Variants in LARGE1 observed in about 807,000 individuals in gnomAD.
LARGE1 encodes xylosyl- and glucuronyltransferase LARGE1.
In LARGE1, 43 loss-of-function variants were observed where a neutral mutation model predicts 87.6. The observed-to-expected ratio is 0.49, with a 90% confidence interval of 0.38 to 0.63. The LOEUF (loss-of-function observed/expected upper bound fraction) is 0.63, where lower values mean the gene tolerates loss of function less well. LARGE1 is among the 30% of genes least tolerant of loss of function. LARGE1 has a pLI of 0.00. For missense variants in LARGE1, 802 were observed against 1,000.2 expected (o/e 0.80, Z 2.67); for synonymous variants, 434 against 394.6 (o/e 1.10, Z -1.18).
At chr22:33,241,771 C>T (rs149560160) in intron 11 of LARGE1, among the ~76,000 whole-genome samples, 58 of 152,010 alleles carry the variant, frequency 3.8e-4, no homozygotes, top group Non-Finnish European at 7.5e-4. Flanking sequence ...AGGCAAATAC[C>T]ACATGTTCTC....
chr22:33,707,047 G>C (rs1390134082), intron 2 of LARGE1, among the ~76,000 whole-genome samples: 1 of 152,218 alleles, frequency 6.6e-6, no homozygotes, highest in African/African-American at 2.4e-5. Flanking sequence ...AAAGCAGCCT[G>C]AAAAAGCAAC....
intron 2 of LARGE1, among the ~76,000 whole-genome samples, chr22:33,707,699 C>T (rs929113252): frequency 1.3e-5 from 2 of 152,166 alleles, no homozygotes; most frequent in Admixed American, 6.5e-5. Context: ...CAGATAAGTC[C>T]GGGGGAAGCA....
chr22:33,780,189 A>G (rs1012065390), intron 1 of LARGE1, among the ~76,000 whole-genome samples: 25 of 152,322 alleles, frequency 1.6e-4, no homozygotes, highest in East Asian at 3.9e-4. Flanking sequence ...GTAATGGATT[A>G]AGGACCCAAG....
intron 7 of LARGE1, among the ~76,000 whole-genome samples, chr22:33,406,383 G>A (rs539548303): frequency 1.2e-4 from 18 of 152,032 alleles, no homozygotes; most frequent in Non-Finnish European, 7.4e-5. Context: ...ACCTCTGCCC[G>A]ATTTGCATCT....
intron 1 of LARGE1, among the ~76,000 whole-genome samples, chr22:33,878,984 C>T (rs114392976): frequency 4.9e-4 from 63 of 128,030 alleles, no homozygotes; most frequent in African/African-American, 1.1e-3. Context: ...CTTCTTCTTC[C>T]TTTTTTTTTT....
At chr22:33,193,984 T>C (rs1406104659) in intron 11 of LARGE1, among the ~76,000 whole-genome samples, 2 of 147,900 alleles carry the variant, frequency 1.4e-5, no homozygotes, top group African/African-American at 4.9e-5. Flanking sequence ...TTATATATAA[T>C]TTTACATATA....
At chr22:33,332,378 T>C (rs1453256818) in intron 10 of LARGE1, among the ~76,000 whole-genome samples, 1 of 152,224 alleles carries the variant, frequency 6.6e-6, no homozygotes, top group Non-Finnish European at 1.5e-5. Context: ...GCCATGATTG[T>C]GAGGCCTCCC....
At chr22:33,735,923 G>A (rs959531229) in intron 2 of LARGE1, among the ~76,000 whole-genome samples, 8 of 152,128 alleles carry the variant, frequency 5.3e-5, no homozygotes, top group South Asian at 2.1e-4. Context: ...CTTCTTCCAC[G>A]TAGCGTGTTT....
the LARGE1 span, among the ~76,000 whole-genome samples, chr22:33,148,365 C>T: frequency 6.6e-6 from 1 of 152,190 alleles, no homozygotes; most frequent in Non-Finnish European, 1.5e-5. Context: ...TTTCACACAA[C>T]ACCATGAACT....
At chr22:33,833,896 C>T (rs147909100) in intron 1 of LARGE1, among the ~76,000 whole-genome samples, 3,179 of 152,068 alleles carry the variant, frequency 0.021, 37 homozygotes, top group African/African-American at 0.035. Flanking sequence ...TATGTTGGTC[C>T]GGCTGGTCTC....
At chr22:33,620,759 TA>T (rs890317282) in intron 4 of LARGE1, among the ~76,000 whole-genome samples, 1 of 151,592 alleles carries the variant, frequency 6.6e-6, no homozygotes, top group Non-Finnish European at 1.5e-5. Flanking sequence ...CCATCTCCAC[TA>T]AAAAAAATTA....
chr22:33,210,910 G>A (rs975231355), intron 11 of LARGE1, among the ~76,000 whole-genome samples: 1 of 152,248 alleles, frequency 6.6e-6, no homozygotes, highest in African/African-American at 2.4e-5. Flanking sequence ...CCGTAACAAG[G>A]TACAGGCAGA....
intron 1 of LARGE1, among the ~76,000 whole-genome samples, chr22:33,824,793 A>C (rs1160122832): frequency 1.3e-5 from 2 of 152,234 alleles, no homozygotes; most frequent in African/African-American, 2.4e-5. Flanking sequence ...ACTTAATACA[A>C]GAAAAGTGTC....
At chr22:33,649,009 C>T (rs2080708163) in intron 3 of LARGE1, among the ~76,000 whole-genome samples, 1 of 152,216 alleles carries the variant, frequency 6.6e-6, no homozygotes, top group African/African-American at 2.4e-5. Context: ...GTTCTCTGGG[C>T]TTGGCTGAAG....
chr22:33,355,731 T>C (rs187887552), intron 9 of LARGE1, among the ~76,000 whole-genome samples: 2 of 59,716 alleles, frequency 3.3e-5, no homozygotes, highest in East Asian at 4.8e-4. Flanking sequence ...GAGCCTTCTA[T>C]AGGGGAGGCT....
chr22:33,757,707 A>G (rs2084570707), intron 2 of LARGE1, among the ~76,000 whole-genome samples: 1 of 152,242 alleles, frequency 6.6e-6, no homozygotes, highest in African/African-American at 2.4e-5. Flanking sequence ...TAGTATTTCC[A>G]TGAATACAGG....
intron 1 of LARGE1, among the ~76,000 whole-genome samples, chr22:33,886,255 T>A (rs772197984): frequency 6.6e-6 from 1 of 152,312 alleles, no homozygotes; most frequent in Middle Eastern, 3.4e-3. Flanking sequence ...TCAGACACTC[T>A]GACTTAGGCC....
chr22:33,469,526 G>A (rs1384062272), intron 6 of LARGE1, among the ~76,000 whole-genome samples: 3 of 152,244 alleles, frequency 2.0e-5, no homozygotes, highest in Non-Finnish European at 4.4e-5. Flanking sequence ...TGGGTGTGGA[G>A]GGTGGGAAGA....
In LARGE1 at chr22:33,885,719, A is replaced by C. The variant is rs547257439; in HGVS notation, c.-83+34276T>G. Among the ~76,000 whole-genome samples the C allele has an allele frequency of 4.6e-5, 7 of 152,232 alleles. No homozygotes were observed. The East Asian group carries it at 1.2e-3, about 25-fold the overall frequency. ...TCCTGTTCACCTTCCGCTGGAGCCC[A>C]AGTTTCTCATAAAAGATCATAAAAG... On this transcript the variant is annotated intron_variant, in intron 1 of 14. Transcript: ENST00000397394.
Sources: allele counts gnomAD v4.1 joint callset (sites outside exome capture counted in the v4.1 genomes callset), GRCh38; gene constraint gnomAD v4.1.1; transcripts MANE v1.5; gene names NCBI Gene and HGNC (gene_info 2026-07-23, HGNC 2026-07-21).